The following CNKSR1 variants were observed in gnomAD, a reference collection of about 807,000 sequenced individuals.
The protein encoded by CNKSR1 is connector enhancer of kinase suppressor of Ras 1.
In CNKSR1, 88 loss-of-function variants were observed where a neutral mutation model predicts 95.6. That is an observed-to-expected ratio of 0.92 (90% CI 0.78 to 1.10). CNKSR1 has a LOEUF of 1.10. Among genes scored for constraint, CNKSR1 ranks in the 50% least tolerant of loss-of-function variants. The pLI, the probability that CNKSR1 is intolerant of heterozygous loss-of-function variation, is 0.00. For missense variants in CNKSR1, 836 were observed against 912.0 expected, an observed-to-expected ratio of 0.92 and a Z score of 1.07; for synonymous variants, 355 against 369.7, an observed-to-expected ratio of 0.96 and a Z score of 0.46.
rs1419495799 is a variant in CNKSR1 at position 26,185,174 on chromosome 1, C to G, written c.1296C>G (p.Tyr432Ter). Reference sequence around the variant, plus strand: ...TCAAGGGACACACGCTCTACTGGTACCGCCAGCCCCAGGTAAGACCCCATA... The same window carrying G: ...TCAAGGGACACACGCTCTACTGGTAGCGCCAGCCCCAGGTAAGACCCCATA... The part of the protein sequence containing the change: ...FVLKGHTLYW[Y>*]RQPQDEKAEG... Residue 432 changes from tyrosine (Y) to a stop codon, truncating the protein, a stop_gained, in exon 14 of 21, where the codon TAC (tyrosine) becomes TAG (stop). Transcript: ENST00000361530. LOFTEE classifies it high-confidence loss of function. 4 of 1,555,948 alleles carry G rather than the reference C, an allele frequency of 2.6e-6. No homozygotes were observed. The East Asian group carries it at 9.7e-5, about 38-fold the overall frequency.
chr1:26,179,637 A>G (rs1426098575), intron 1 of CNKSR1, among the ~76,000 whole-genome samples: 2 of 152,202 alleles, frequency 1.3e-5, no homozygotes, highest in East Asian at 1.9e-4. Flanking sequence ...AGGCCTTGAC[A>G]TATGTTGTGT....
chr1:26,188,713 T>G lies in CNKSR1; in HGVS notation c.1690+16T>G, dbSNP rs905672625. On this transcript the variant is annotated intron_variant, in intron 19 of 20. Transcript: ENST00000361530. ...TCTCTGACAGGTGCTGGGCTGGAGT[T>G]GGGAGCTGGGCTGGGGGCTGGGGTG... 4.2e-5 allele frequency: 67 copies of G among 1,612,636 alleles called. No homozygotes were observed. The highest frequency in any genetic ancestry group is 5.4e-5 in the Non-Finnish European group (64 of 1,179,258).
chr1:26,187,554 A>G (rs2088777698), intron 16 of CNKSR1, 72 bp downstream of exon 16: 3 of 1,442,600 alleles, frequency 2.1e-6, no homozygotes, highest in Admixed American at 1.7e-5. Context: ...GCCTAGGCTC[A>G]GGAGCCTGGA....
intron 17 of CNKSR1, 27 bp downstream of exon 17, chr1:26,188,334 A>G (rs943622527): frequency 6.2e-7 from 1 of 1,612,732 alleles, no homozygotes. Flanking sequence ...GTTGAGTGGG[A>G]GGAACCCTCA....
In CNKSR1 at chr1:26,188,319, G is replaced by T. The variant is rs142479267; in HGVS notation, c.1528+12G>T. On this transcript the variant is annotated intron_variant, in intron 17 of 20. Transcript: ENST00000361530. ...ACCCCGAGAGGAAGGTAGGTGTCTCGCAGGGTTGAGTGGGAGGAACCCTCA... is the reference window on the plus strand; with the variant it reads ...ACCCCGAGAGGAAGGTAGGTGTCTCTCAGGGTTGAGTGGGAGGAACCCTCA... The T allele has an allele frequency of 2.8e-4, 450 of 1,613,800 alleles. No individual in the cohort carries two copies. In the African/African-American group the frequency reaches 5.4e-3, roughly 19 times the overall value.
intron 14 of CNKSR1, among the ~76,000 whole-genome samples, chr1:26,186,621 C>A (rs1201795755): frequency 6.6e-6 from 1 of 152,040 alleles, no homozygotes; most frequent in Non-Finnish European, 1.5e-5. Flanking sequence ...ATTACAGGCA[C>A]CTGCCACCAT....
chr1:26,188,894 C>G lies in CNKSR1; in HGVS notation c.1813C>G (p.Arg605Gly). 2 of 1,613,936 alleles carry G rather than the reference C, an allele frequency of 1.2e-6. No individual in the cohort carries two copies. Among genetic ancestry groups the G allele is most frequent in the Non-Finnish European group, 1.7e-6 (2 of 1,180,012 alleles). ...GCGGAGCTCTTTCATGCGGCGCAAC[C>G]GAGACCCTCAGCTCAATGAGCGAGT... is the stretch of plus-strand genomic sequence containing the variant. Reference protein sequence around the residue: ...QWRSSFMRRNRDPQLNERVHR... With the variant: ...QWRSSFMRRNGDPQLNERVHR... The change falls in exon 20 of 21, where the codon CGA (arginine) becomes GGA (glycine). Residue 605 changes from arginine to glycine, a missense_variant. Coordinates refer to ENST00000361530, the MANE Select transcript of CNKSR1 (RefSeq NM_006314.3).
chr1:26,182,725 A>G (rs2088668489), intron 6 of CNKSR1, 141 bp downstream of exon 6: 1 of 822,696 alleles, frequency 1.2e-6, no homozygotes, highest in African/African-American at 1.7e-5. Context: ...ATGGAGGCCC[A>G]GAGGATTGGC....
At chr1:26,181,794 A>C in intron 3 of CNKSR1, 63 bp from the exon 4 acceptor site, 1 of 1,491,598 alleles carries the variant, frequency 6.7e-7, no homozygotes. Flanking sequence ...GTAATTGGTG[A>C]GTAATTGGCT....
chr1:26,180,255 C>A, intron 1 of CNKSR1, 198 bp from the exon 2 acceptor site: 1 of 649,010 alleles, frequency 1.5e-6, no homozygotes, highest in Non-Finnish European at 2.7e-6. Flanking sequence ...GTCTGGGGGC[C>A]ACTTTTAAGA....
At chr1:26,183,484 G>C in intron 8 of CNKSR1, 70 bp downstream of exon 8, 16 of 1,532,414 alleles carry the variant, frequency 1.0e-5, no homozygotes, top group Non-Finnish European at 1.3e-5. Flanking sequence ...GGTGGGTGGG[G>C]AGGCAACCAA....
Position 26,184,464 on chromosome 1 carries a change from C to T in CNKSR1, c.1064C>T (p.Ala355Val). Reference protein sequence around the residue: ...IPPEPPAILPAGVAGTPGLPE... With the variant: ...IPPEPPAILPVGVAGTPGLPE... ...CCGGAACCCCCAGCCATACTCCCAG[C>T]AGGGGTAGCAGGGACTCCAGGGCTC... Residue 355 changes from alanine to valine, a missense_variant, in exon 12 of 21, where the codon GCA becomes GTA. Ala to Val is a moderately conservative substitution (Grantham distance 64). Coordinates refer to ENST00000361530, the MANE Select transcript of CNKSR1 (RefSeq NM_006314.3). 2.5e-6 allele frequency: 4 copies of T among 1,613,346 alleles called. No homozygotes were observed. Among genetic ancestry groups the T allele is most frequent in the East Asian group, 2.2e-5 (1 of 44,824 alleles).
Position 26,189,869 on chromosome 1 carries a change from T to A in CNKSR1, c.*321T>A, listed in dbSNP as rs1202152245. ...AGGGCTACTTTCCAACCAAATAAAG[T>A]CAATTTTTCTAAGAATGAGTCTACA... On this transcript the variant is annotated 3_prime_UTR_variant, in exon 21 of 21. Coordinates refer to ENST00000361530, the MANE Select transcript of CNKSR1 (RefSeq NM_006314.3). The A allele has an allele frequency of 5.4e-6, 3 of 556,944 alleles. No homozygotes were observed. Among genetic ancestry groups the A allele is most frequent in the Non-Finnish European group, 9.9e-6 (3 of 304,384 alleles). 34.5% of individuals were successfully genotyped at this position (556,944 alleles called of 1,614,324 possible). A position where few individuals can be genotyped will look rare whatever the true frequency, so the allele number is the denominator to read the frequency against.
In CNKSR1 at chr1:26,189,390, C is replaced by T. The variant is rs1362601699; in HGVS notation, c.1984C>T (p.Leu662=). 1.2e-6 allele frequency: 2 copies of T among 1,613,966 alleles called. No individual in the cohort carries two copies. Among genetic ancestry groups the T allele is most frequent in the Non-Finnish European group, 1.7e-6 (2 of 1,179,826 alleles). ...EQNRELYSEG[L]GAWGVAQAEG... ...GAACCGGGAGCTGTACTCAGAGGGC[C>T]TGGGGGCCTGGGGAGTGGCACAGGC... The change falls in exon 21 of 21, where the codon CTG becomes TTG. Residue 662 remains leucine, a synonymous_variant. Coordinates refer to ENST00000361530, the MANE Select transcript of CNKSR1 (RefSeq NM_006314.3).
At chr1:26,177,708 G>A in intron 1 of CNKSR1, 109 bp downstream of exon 1, 1 of 1,240,840 alleles carries the variant, frequency 8.1e-7, no homozygotes, top group Non-Finnish European at 1.1e-6. Flanking sequence ...GGGTGCGCTG[G>A]TTCACACCTG....
chr1:26,183,373 C>T lies in CNKSR1; in HGVS notation c.712C>T (p.Gln238Ter). Residue 238 changes from glutamine (Q) to a stop codon, truncating the protein, a stop_gained, in exon 8 of 21, where the codon CAG (glutamine) becomes TAG (stop). Transcript: ENST00000361530. LOFTEE classifies it high-confidence loss of function. ...QVPTDSRLQIQPGDEVVQINE... is the reference protein window; with the variant it reads ...QVPTDSRLQI ...TCCCACTGACTCCCGACTGCAGATC[C>T]AGCCTGGAGACGAGGTTGTCCAGAT... 6.2e-7 allele frequency: 1 copy of T among 1,614,182 alleles called. No individual in the cohort carries two copies. The highest frequency in any genetic ancestry group is 8.5e-7 in the Non-Finnish European group (1 of 1,180,030).
intron 20 of CNKSR1, 146 bp from the exon 21 acceptor site, chr1:26,189,133 G>A: frequency 7.9e-7 from 1 of 1,269,946 alleles, no homozygotes; most frequent in African/African-American, 1.5e-5. Context: ...GGTTCCGAGT[G>A]GGGATTTGAG....
chr1:26,181,869 C>T lies in CNKSR1; in HGVS notation c.405C>T (p.Ser135=). ...LLFWLSRYLF[S]HLNDFSACQE... ...CTTCCCCTGCCAGGTACCTCTTCTC[C>T]CACTTAAATGATTTCTCAGCATGCC... Residue 135 remains serine (S), a synonymous_variant, in exon 4 of 21, where the codon TCC becomes TCT. Coordinates refer to ENST00000361530, the MANE Select transcript of CNKSR1 (RefSeq NM_006314.3). The T allele has an allele frequency of 6.2e-7, 1 of 1,614,088 alleles. No individual in the cohort carries two copies. The highest frequency in any genetic ancestry group is 8.5e-7 in the Non-Finnish European group (1 of 1,179,974).
rs985302687 is a variant in CNKSR1, at chr1:26,180,461, G to A, written c.61G>A (p.Asp21Asn). ...KVATWLRGLD[D>N]SLQDYPFEDW... is the part of the protein sequence containing the mutation. The stretch of plus-strand genomic sequence containing the variant: ...CCTTACTCTCCCTCCAGGTCTTGAC[G>A]ACTCCCTGCAGGACTATCCCTTTGA... The change falls in exon 2 of 21, where the codon GAC becomes AAC. Residue 21 changes from aspartate (D) to asparagine (N), a missense_variant. Transcript: ENST00000361530. 5.6e-6 allele frequency: 9 copies of A among 1,613,850 alleles called. No individual in the cohort carries two copies. Among genetic ancestry groups the A allele is most frequent in the African/African-American group, 5.3e-5 (4 of 74,922 alleles).
Sources: allele counts gnomAD v4.1 joint callset (sites outside exome capture counted in the v4.1 genomes callset), GRCh38; gene constraint gnomAD v4.1.1; transcripts MANE v1.5; gene names NCBI Gene and HGNC (gene_info 2026-07-23, HGNC 2026-07-21).